Variants in AHI1 observed in about 807,000 individuals in gnomAD.
AHI1 encodes the protein jouberin.
AHI1 carries 123 observed loss-of-function variants against 149.3 expected under a neutral mutation model. The observed-to-expected ratio is 0.82, with a 90% CI of 0.71 to 0.96. The LOEUF (loss-of-function observed/expected upper bound fraction) is 0.96, where lower values mean the gene tolerates loss of function less well. Among genes scored for constraint, AHI1 ranks in the 40% least tolerant of loss-of-function variants. AHI1 has a pLI of 0.00. For synonymous variants in AHI1, 475 were observed against 459.8 expected (o/e 1.03, Z -0.42); for missense variants, 1,439 against 1,422.7 (o/e 1.01, Z -0.18).
At chr6:135,482,894 C>CTTTTTTTCTTTTTTTTTTTTTTTTTTT (rs1793905606) in intron 5 of AHI1, among the ~76,000 whole-genome samples, 1 of 55,734 alleles carries the variant, frequency 1.8e-5, no homozygotes, top group African/African-American at 9.3e-5. Context: ...CCATTTAAGG[C>CTTTTTTTCTTTTTTTTTTTTTTTTTTT]TTTTTTTTTT....
chr6:135,472,568 A>G (rs6908428), intron 5 of AHI1, among the ~76,000 whole-genome samples: 47,921 of 152,068 alleles, frequency 0.32, 7,825 homozygotes, highest in South Asian at 0.42. Flanking sequence ...ACAATTGCCA[A>G]ACAGCTTCTC....
rs1774447003 is a variant in AHI1, at chr6:135,368,063, C to T, written c.3110-9876G>A. ...GGGATGCCCCTGATGTGGTGCTCTCCCCATTCCCCTAAGGATGGGGCTTCC... is the reference window on the plus strand; with the variant it reads ...GGGATGCCCCTGATGTGGTGCTCTCTCCATTCCCCTAAGGATGGGGCTTCC... On this transcript the variant is annotated intron_variant, in intron 23 of 28. Transcript: ENST00000265602. Among the ~76,000 whole-genome samples the T allele has an allele frequency of 2.0e-5, 3 of 152,154 alleles. No individual in the cohort carries two copies. In the South Asian group the frequency reaches 6.2e-4, roughly 32 times the overall value.
intron 23 of AHI1, among the ~76,000 whole-genome samples, chr6:135,377,968 T>C (rs1776191659): frequency 6.6e-6 from 1 of 152,192 alleles, no homozygotes; most frequent in African/African-American, 2.4e-5. Flanking sequence ...AAATTTACTA[T>C]GTTTATTGAA....
At chr6:135,366,244 CT>C (rs139573902) in intron 23 of AHI1, among the ~76,000 whole-genome samples, 24 of 147,136 alleles carry the variant, frequency 1.6e-4, no homozygotes, top group South Asian at 4.4e-4. Flanking sequence ...CTGCAGTTTT[CT>C]TTTTTTTTTG....
intron 10 of AHI1, among the ~76,000 whole-genome samples, chr6:135,453,843 G>A (rs1001728506): frequency 6.6e-6 from 1 of 151,992 alleles, no homozygotes; most frequent in East Asian, 1.9e-4. Context: ...TCCTGAAGTT[G>A]GGGTTTTTCT....
At chr6:135,381,170 T>C (rs1776713678) in intron 23 of AHI1, among the ~76,000 whole-genome samples, 1 of 152,010 alleles carries the variant, frequency 6.6e-6, no homozygotes, top group South Asian at 2.1e-4. Context: ...TGCCTCATAA[T>C]GTCACTACTG....
chr6:135,353,938 T>C (rs1200155631), intron 24 of AHI1, among the ~76,000 whole-genome samples: 1 of 152,138 alleles, frequency 6.6e-6, no homozygotes, highest in Non-Finnish European at 1.5e-5. Context: ...CTTATAAATA[T>C]GAAGAATAAT....
At chr6:135,416,187 A>G (rs1562715259) in intron 20 of AHI1, among the ~76,000 whole-genome samples, 1 of 152,090 alleles carries the variant, frequency 6.6e-6, no homozygotes, top group Non-Finnish European at 1.5e-5. Flanking sequence ...CAAAATTGTA[A>G]TGAAAGGGGT....
chr6:135,417,774 A>G (rs1242028051), intron 20 of AHI1, among the ~76,000 whole-genome samples: 1 of 152,046 alleles, frequency 6.6e-6, no homozygotes, highest in Non-Finnish European at 1.5e-5. Flanking sequence ...CTGCAGAAAT[A>G]TTCATAAAGA....
rs183070944 is a variant in AHI1, at chr6:135,426,136, G to C, written c.2764+1031C>G. 5.8e-3 allele frequency among the ~76,000 whole-genome samples: 883 copies of C among 151,800 alleles called. 2 individuals carry two copies. Among genetic ancestry groups the C allele is most frequent in the Non-Finnish European group, 9.1e-3 (614 of 67,684 alleles). ...ACCAGATTTGGACATTGAATGATTT[G>C]AGGAATCCATCTATTTTTTCCTATA... On this transcript the variant is annotated intron_variant, in intron 20 of 28. Coordinates refer to ENST00000265602, the MANE Select transcript of AHI1 (RefSeq NM_001134831.2).
In AHI1 at chr6:135,285,412, C is replaced by CTT. The variant is rs1781563317; in HGVS notation, c.*231_*232dup. On this transcript the variant is annotated 3_prime_UTR_variant, in exon 29 of 29. Coordinates refer to ENST00000265602, the MANE Select transcript of AHI1 (RefSeq NM_001134831.2). ...ATTACTAACAATATAAGTACCAATACTTTGACCAACAATAGTCACAATGGT... is the reference window on the plus strand; with the variant it reads ...ATTACTAACAATATAAGTACCAATACTTTTTGACCAACAATAGTCACAATGGT... 1 of 582,644 alleles carries CTT rather than the reference C, an allele frequency of 1.7e-6. No homozygotes were observed. Among genetic ancestry groups the CTT allele is most frequent in the African/African-American group, 1.9e-5 (1 of 53,354 alleles). The allele number at this position is 582,644 out of a possible 1,614,324, so 36.1% of individuals were successfully genotyped here. A position where few individuals can be genotyped will look rare whatever the true frequency, so the allele number is the denominator to read the frequency against.
intron 24 of AHI1, among the ~76,000 whole-genome samples, chr6:135,324,657 A>G (rs1284185713): frequency 6.6e-6 from 1 of 151,978 alleles, no homozygotes; most frequent in Non-Finnish European, 1.5e-5. Flanking sequence ...ACCCGGCATT[A>G]GACGTGAGAG....
At chr6:135,289,787 T>C (rs1342148670) in intron 28 of AHI1, among the ~76,000 whole-genome samples, 1 of 152,226 alleles carries the variant, frequency 6.6e-6, no homozygotes, top group Non-Finnish European at 1.5e-5. Flanking sequence ...CTCTAGTTCC[T>C]ACAAAATGAC....
intron 27 of AHI1, among the ~76,000 whole-genome samples, chr6:135,299,183 T>A (rs1783541779): frequency 6.6e-6 from 1 of 152,198 alleles, no homozygotes; most frequent in African/African-American, 2.4e-5. Context: ...ATAGAAAGAA[T>A]TTCTAAGGTA....
intron 18 of AHI1, 90 bp downstream of exon 18, chr6:135,429,792 G>T: frequency 2.5e-6 from 2 of 804,516 alleles, no homozygotes; most frequent in Non-Finnish European, 1.9e-6. Context: ...ACACTGCTTA[G>T]TTGAGAACCA....
chr6:135,438,923 T>C (rs1476284939), intron 14 of AHI1, among the ~76,000 whole-genome samples: 1 of 152,206 alleles, frequency 6.6e-6, no homozygotes, highest in Non-Finnish European at 1.5e-5. Context: ...AATTGTGCTA[T>C]TGTCAAAAGT....
At chr6:135,285,764 A>C in intron 28 of AHI1, 117 bp from the exon 29 acceptor site, 3 of 749,440 alleles carry the variant, frequency 4.0e-6, no homozygotes, top group East Asian at 5.4e-5. Flanking sequence ...TGTGTAAAAC[A>C]CAAACACATA....
At chr6:135,377,289 A>G (rs1432597685) in intron 23 of AHI1, among the ~76,000 whole-genome samples, 1 of 152,142 alleles carries the variant, frequency 6.6e-6, no homozygotes, top group Non-Finnish European at 1.5e-5. Flanking sequence ...AAATTTCAAA[A>G]TAAAGTTGGG....
chr6:135,298,891 T>C (rs1256762918), intron 27 of AHI1, among the ~76,000 whole-genome samples: 1 of 152,192 alleles, frequency 6.6e-6, no homozygotes, highest in Non-Finnish European at 1.5e-5. Flanking sequence ...ATTTTTTCAT[T>C]TGCGTAATAT....
Sources: allele counts gnomAD v4.1 joint callset (sites outside exome capture counted in the v4.1 genomes callset), GRCh38; gene constraint gnomAD v4.1.1; transcripts MANE v1.5; gene names NCBI Gene and HGNC (gene_info 2026-07-23, HGNC 2026-07-21).